GLCCI1: variants seen among roughly 807,000 people sequenced by gnomAD.
GLCCI1 encodes glucocorticoid-induced transcript 1 protein.
In GLCCI1, 24 loss-of-function variants were observed where a neutral mutation model predicts 52.2. The ratio of observed to expected loss-of-function variants is 0.46; its 90% CI spans 0.33 to 0.65. The LOEUF is 0.65. Among genes scored for constraint, GLCCI1 ranks in the 30% least tolerant of loss-of-function variants. The pLI, the probability that GLCCI1 is intolerant of heterozygous loss-of-function variation, is 0.02. For missense variants in GLCCI1, 704 were observed against 701.5 expected (o/e 1.00, Z -0.04); for synonymous variants, 310 against 276.5 (o/e 1.12, Z -1.20).
intron 1 of GLCCI1, among the ~76,000 whole-genome samples, chr7:7,992,480 G>A (rs1780861253): frequency 6.6e-6 from 1 of 152,038 alleles, no homozygotes; most frequent in Non-Finnish European, 1.5e-5. Flanking sequence ...TATGTAGCAA[G>A]AACTCAGATA....
intron 1 of GLCCI1, among the ~76,000 whole-genome samples, chr7:7,996,197 T>C (rs1366331284): frequency 6.6e-6 from 1 of 152,204 alleles, no homozygotes; most frequent in Non-Finnish European, 1.5e-5. Flanking sequence ...GTTTTTGTAG[T>C]TGCTAATACT....
In GLCCI1 at chr7:7,969,243, C is replaced by A. The variant is rs1780281248; in HGVS notation, c.-108C>A. The A allele has an allele frequency of 2.0e-6, 2 of 1,021,270 alleles. No homozygotes were observed. Among genetic ancestry groups the A allele is most frequent in the African/African-American group, 1.7e-5 (1 of 58,438 alleles). The allele number at this position is 1,021,270 out of a possible 1,614,324, so 63.3% of individuals were successfully genotyped here. On this transcript the variant is annotated 5_prime_UTR_variant, in exon 1 of 8. Coordinates refer to ENST00000223145, the MANE Select transcript of GLCCI1 (RefSeq NM_138426.4). This position sits in a 1 kb window ranked among gnomAD's most constrained non-coding sequence, Gnocchi z 4.9. ...CCCCCACAGCGATACCCCCGCCCCT[C>A]CCCCTTACACACTCGCACGCACTAT...
intron 6 of GLCCI1, among the ~76,000 whole-genome samples, chr7:8,073,560 G>A (rs1167462221): frequency 1.3e-5 from 2 of 151,664 alleles, no homozygotes; most frequent in Admixed American, 6.6e-5. Flanking sequence ...CTAAAGCTAA[G>A]GTTTTTTTCC....
At chr7:7,992,580 A>T (rs1252410847) in intron 1 of GLCCI1, among the ~76,000 whole-genome samples, 3 of 152,058 alleles carry the variant, frequency 2.0e-5, no homozygotes, top group African/African-American at 7.2e-5. Flanking sequence ...CCCAGATATA[A>T]GTATGTCCTT....
At chr7:8,022,227 A>G (rs1033253486) in intron 2 of GLCCI1, among the ~76,000 whole-genome samples, 3 of 152,132 alleles carry the variant, frequency 2.0e-5, no homozygotes, top group African/African-American at 7.2e-5. Flanking sequence ...TTTATAATTA[A>G]GTTATTTATG....
In GLCCI1 at chr7:7,969,435, G is replaced by T; in HGVS notation, c.85G>T (p.Gly29Trp). 1 of 1,274,832 alleles carries T rather than the reference G, an allele frequency of 7.8e-7. No homozygotes were observed. 79.0% of individuals were successfully genotyped at this position (1,274,832 alleles called of 1,614,324 possible). A position where few individuals can be genotyped will look rare whatever the true frequency, so the allele number is the denominator to read the frequency against. ...PSQRMRRSAA[G>W]SPPAVAAAGS... ...GCAGAGGATGAGGCGCAGCGCCGCG[G>T]GGTCCCCGCCCGCCGTCGCCGCCGC... is the stretch of plus-strand genomic sequence containing the variant. Residue 29 changes from glycine to tryptophan, a missense_variant, in exon 1 of 8, where the codon GGG becomes TGG. Physicochemically the swap from Gly to Trp is radical, Grantham distance 184 (BLOSUM62 -2). Coordinates refer to ENST00000223145, the MANE Select transcript of GLCCI1 (RefSeq NM_138426.4). The surrounding 1 kb of genome is among the most constrained non-coding windows in gnomAD (Gnocchi z 4.9).
intron 5 of GLCCI1, among the ~76,000 whole-genome samples, chr7:8,069,107 C>G (rs1231396546): frequency 6.6e-6 from 1 of 152,190 alleles, no homozygotes; most frequent in Non-Finnish European, 1.5e-5. Flanking sequence ...TCCCAGGCTG[C>G]AGCCCTGGGG....
At chr7:7,975,127 C>G (rs1363227205) in intron 1 of GLCCI1, among the ~76,000 whole-genome samples, 1 of 152,036 alleles carries the variant, frequency 6.6e-6, no homozygotes, top group African/African-American at 2.4e-5. Flanking sequence ...TTGAAAGTGA[C>G]CATAAGTTGA....
rs1352155279 is a variant in GLCCI1, at chr7:7,969,508, C to A, written c.158C>A (p.Pro53Gln). ...AGGGGGVGCA[P>Q]AAGAGRLLQP... is the part of the protein sequence containing the mutation. ...GGCGGCGGCGGCGTGGGCTGCGCCCCGGCTGCGGGAGCCGGCCGGCTGCTG... is the reference window on the plus strand; with the variant it reads ...GGCGGCGGCGGCGTGGGCTGCGCCCAGGCTGCGGGAGCCGGCCGGCTGCTG... Residue 53 changes from proline to glutamine, a missense_variant, in exon 1 of 8, where the codon CCG becomes CAG. Coordinates refer to ENST00000223145, the MANE Select transcript of GLCCI1 (RefSeq NM_138426.4). The surrounding 1 kb of genome is among the most constrained non-coding windows in gnomAD (Gnocchi z 4.9). The A allele has an allele frequency of 3.0e-6, 3 of 1,002,244 alleles. No homozygotes were observed. Among genetic ancestry groups the A allele is most frequent in the African/African-American group, 3.5e-5 (2 of 57,000 alleles). 62.1% of individuals were successfully genotyped at this position (1,002,244 alleles called of 1,614,324 possible). A position where few individuals can be genotyped will look rare whatever the true frequency, so the allele number is the denominator to read the frequency against.
chr7:8,029,595 A>G (rs1383423214), intron 3 of GLCCI1, among the ~76,000 whole-genome samples: 1 of 152,210 alleles, frequency 6.6e-6, no homozygotes, highest in African/African-American at 2.4e-5. Context: ...AATAAAGGGT[A>G]TTTGAATTGG....
At chr7:8,019,624 A>G (rs760081148) in intron 2 of GLCCI1, among the ~76,000 whole-genome samples, 1 of 152,144 alleles carries the variant, frequency 6.6e-6, no homozygotes, top group Non-Finnish European at 1.5e-5. Context: ...TGCGAACATC[A>G]TAGAGTGTAC....
intron 5 of GLCCI1, among the ~76,000 whole-genome samples, chr7:8,066,068 C>A (rs1359045132): frequency 6.6e-6 from 1 of 152,166 alleles, no homozygotes; most frequent in Non-Finnish European, 1.5e-5. Context: ...ATTACTGACT[C>A]AATTTCAGAA....
rs181304189 is a variant in GLCCI1, at chr7:7,981,107, C to T, written c.457+11300C>T. 484 of 465,216 alleles carry T rather than the reference C, an allele frequency of 1.0e-3. 1 individual carries two copies. Among genetic ancestry groups the T allele is most frequent in the African/African-American group, 7.7e-3 (371 of 48,062 alleles). The allele number at this position is 465,216 out of a possible 1,614,324, so 28.8% of individuals were successfully genotyped here. Reference sequence around the variant, plus strand: ...CTACCTGATGCAGATATTAAACCTCCGGAAAAATCTGTGTATGCAAATTGA... The same window carrying T: ...CTACCTGATGCAGATATTAAACCTCTGGAAAAATCTGTGTATGCAAATTGA... On this transcript the variant is annotated intron_variant, in intron 1 of 7. Coordinates refer to ENST00000223145, the MANE Select transcript of GLCCI1 (RefSeq NM_138426.4).
chr7:8,040,280 G>A (rs1027283084), intron 3 of GLCCI1, among the ~76,000 whole-genome samples: 4 of 152,044 alleles, frequency 2.6e-5, no homozygotes, highest in Admixed American at 1.3e-4. Context: ...GAGCTCATGA[G>A]TTCAAGACCA....
At chr7:8,004,131 A>T in intron 2 of GLCCI1, 72 bp downstream of exon 2, 2 of 1,289,926 alleles carry the variant, frequency 1.6e-6, no homozygotes, top group East Asian at 4.9e-5. Context: ...AAGAAAATGT[A>T]ATATAATCAA....
Position 7,969,730 on chromosome 7 carries a change from GC to G in GLCCI1, c.383del (p.Pro128ArgfsTer40). The G allele has an allele frequency of 1.4e-6, 2 of 1,437,524 alleles. No homozygotes were observed. The highest frequency in any genetic ancestry group is 1.8e-6 in the Non-Finnish European group (2 of 1,095,254). 89.0% of individuals were successfully genotyped at this position (1,437,524 alleles called of 1,614,324 possible). On this transcript the variant is annotated frameshift_variant, in exon 1 of 8. Coordinates refer to ENST00000223145, the MANE Select transcript of GLCCI1 (RefSeq NM_138426.4). LOFTEE classifies it high-confidence loss of function. This position sits in a 1 kb window ranked among gnomAD's most constrained non-coding sequence, Gnocchi z 4.9. ...GAGCAGGCGCCGCGGGCCAAGGGCC[GC>G]CCGAGACGGTCCCCAGAGAGCCACC... ...PAEQAPRAKG[R>X]PRRSPESHRR...
chr7:8,020,127 AC>A (rs1275421329), intron 2 of GLCCI1, among the ~76,000 whole-genome samples: 1 of 152,018 alleles, frequency 6.6e-6, no homozygotes, highest in Admixed American at 6.6e-5. Flanking sequence ...ACCATAACAA[AC>A]TATTCTTATT....
Position 7,969,776 on chromosome 7 carries a change from G to T in GLCCI1, c.426G>T (p.Glu142Asp). 1 of 1,485,474 alleles carries T rather than the reference G, an allele frequency of 6.7e-7. No individual in the cohort carries two copies. The highest frequency in any genetic ancestry group is 8.9e-7 in the Non-Finnish European group (1 of 1,122,236). The allele number at this position is 1,485,474 out of a possible 1,614,324, so 92.0% of individuals were successfully genotyped here. ...GCCACCGGAGGAGCAGCTCACCTGAGAGACGGAGCCCCGGCTCGCCCGTGT... is the reference window on the plus strand; with the variant it reads ...GCCACCGGAGGAGCAGCTCACCTGATAGACGGAGCCCCGGCTCGCCCGTGT... ...PESHRRSSSPERRSPGSPVCR... is the reference protein window; with the variant it reads ...PESHRRSSSPDRRSPGSPVCR... Residue 142 changes from glutamate to aspartate, a missense_variant, in exon 1 of 8, where the codon GAG (glutamate) becomes GAT (aspartate). Physicochemically the swap from Glu to Asp is conservative, Grantham distance 45. This residue lies in a region of GLCCI1 where 547 missense variants were observed against 524.8 expected (regional missense o/e 1.04). Coordinates refer to ENST00000223145, the MANE Select transcript of GLCCI1 (RefSeq NM_138426.4). This position sits in a 1 kb window ranked among gnomAD's most constrained non-coding sequence, Gnocchi z 4.9.
intron 2 of GLCCI1, among the ~76,000 whole-genome samples, chr7:8,013,936 T>C (rs1781323685): frequency 6.6e-6 from 1 of 152,134 alleles, no homozygotes; most frequent in Non-Finnish European, 1.5e-5. Flanking sequence ...GGAATTGCAT[T>C]TGTTGCCACT....
Sources: gnomAD v4.1 joint callset for allele counts (sites outside exome capture counted in the v4.1 genomes callset) on GRCh38, gnomAD v4.1.1 for gene constraint, gnomAD v4.1.1 regional missense constraint, Gnocchi (gnomAD v3.1) non-coding constraint, MANE v1.5 for transcripts, NCBI Gene and HGNC (gene_info 2026-07-23, HGNC 2026-07-21) for gene names.